The following SND1 variants were observed in gnomAD, a reference collection of about 807,000 sequenced individuals.
The protein encoded by SND1 is staphylococcal nuclease and tudor domain containing 1.
SND1 carries 38 observed loss-of-function variants against 121.7 expected under a neutral mutation model. The ratio of observed to expected loss-of-function variants is 0.31; its 90% CI spans 0.24 to 0.41. The LOEUF (loss-of-function observed/expected upper bound fraction) is 0.41. Ranked by LOEUF, SND1 falls within the 10% of genes least tolerant of loss-of-function variation. The probability of loss-of-function intolerance (pLI) is 1.00; values close to 1 mark genes in which losing one functional copy is unlikely to be tolerated. For missense variants in SND1, 868 were observed against 1,184.6 expected, an observed-to-expected ratio of 0.73 and a Z score of 3.92; for synonymous variants, 401 against 447.4, an observed-to-expected ratio of 0.90 and a Z score of 1.31.
At chr7:127,815,891 T>C (rs1037029279) in intron 11 of SND1, among the ~76,000 whole-genome samples, 3 of 152,214 alleles carry the variant, frequency 2.0e-5, no homozygotes, top group Admixed American at 6.5e-5. Flanking sequence ...ATCTGTGAGA[T>C]AGGGTTTGAT....
chr7:127,980,505 T>C (rs1802235085), intron 15 of SND1, among the ~76,000 whole-genome samples: 1 of 152,186 alleles, frequency 6.6e-6, no homozygotes, highest in African/African-American at 2.4e-5. Flanking sequence ...TCATGCTCTT[T>C]GGTTCTTAAG....
intron 16 of SND1, among the ~76,000 whole-genome samples, chr7:128,068,838 C>T (rs1401290565): frequency 6.6e-6 from 1 of 152,258 alleles, no homozygotes; most frequent in East Asian, 1.9e-4. Flanking sequence ...TGGAAATTAA[C>T]AGCCTGTGCC....
Position 127,821,226 on chromosome 7 carries a change from G to A in SND1, c.1242+13653G>A, listed in dbSNP as rs547308388. On this transcript the variant is annotated intron_variant, in intron 11 of 23. Transcript: ENST00000354725. ...CCCTTCCTGAGGAATTCTAGTTGAT[G>A]GGCCAGTGTATGTGTGTCCTTGCTG... Among the ~76,000 whole-genome samples the A allele has an allele frequency of 5.9e-5, 9 of 152,322 alleles. No individual in the cohort carries two copies. The South Asian group carries it at 1.2e-3, about 21-fold the overall frequency.
intron 11 of SND1, among the ~76,000 whole-genome samples, chr7:127,836,697 C>T (rs1194382620): frequency 2.0e-5 from 3 of 152,028 alleles, no homozygotes; most frequent in Non-Finnish European, 4.4e-5. Flanking sequence ...TAACAGAAGC[C>T]TTAATTATTA....
chr7:127,667,104 A>G (rs922616876), intron 1 of SND1, among the ~76,000 whole-genome samples: 5 of 152,198 alleles, frequency 3.3e-5, no homozygotes, highest in African/African-American at 1.2e-4. Context: ...GGGAAAAGTC[A>G]TGCTTCTCAT....
At chr7:127,721,421 G>A (rs748274417) in intron 10 of SND1, 21 bp downstream of exon 10, 31 of 1,413,088 alleles carry the variant, frequency 2.2e-5, no homozygotes, top group East Asian at 1.4e-4. Context: ...GGAAGCAGCC[G>A]CGCCTCTTTG....
intron 12 of SND1, among the ~76,000 whole-genome samples, chr7:127,854,249 C>T (rs1228694978): frequency 1.3e-5 from 2 of 152,168 alleles, no homozygotes; most frequent in African/African-American, 4.8e-5. Flanking sequence ...TGAGTTCAGC[C>T]TCCCAAGTAG....
At chr7:128,082,207 C>A (rs1039193574) in intron 18 of SND1, among the ~76,000 whole-genome samples, 1 of 152,228 alleles carries the variant, frequency 6.6e-6, no homozygotes, top group Non-Finnish European at 1.5e-5. Flanking sequence ...ACCCTGACCT[C>A]CCTTTTCTCA....
intron 10 of SND1, among the ~76,000 whole-genome samples, chr7:127,782,900 A>G (rs62481388): frequency 0.061 from 9,337 of 152,266 alleles, 390 homozygotes; most frequent in Non-Finnish European, 0.085. Context: ...ACTGCCCAGC[A>G]AGTGAAGCAT....
intron 12 of SND1, among the ~76,000 whole-genome samples, chr7:127,852,951 T>G (rs1029147269): frequency 1.3e-5 from 2 of 152,226 alleles, no homozygotes; most frequent in African/African-American, 4.8e-5. Flanking sequence ...TCTGCATTTA[T>G]GAAGGAACAA....
intron 1 of SND1, among the ~76,000 whole-genome samples, chr7:127,657,416 C>T (rs998108501): frequency 3.9e-5 from 6 of 152,162 alleles, no homozygotes; most frequent in Non-Finnish European, 8.8e-5. Flanking sequence ...CAAAAACTAA[C>T]CATAAAGGAA....
intron 12 of SND1, among the ~76,000 whole-genome samples, chr7:127,887,579 G>A (rs1799935920): frequency 6.6e-6 from 1 of 151,390 alleles, no homozygotes; most frequent in African/African-American, 2.4e-5. Flanking sequence ...CTTTTCTTGA[G>A]GGCAGTGGCT....
intron 15 of SND1, among the ~76,000 whole-genome samples, chr7:127,948,075 G>A (rs770764842): frequency 1.1e-4 from 16 of 152,182 alleles, no homozygotes; most frequent in Admixed American, 7.9e-4. Context: ...TAAAATAGGC[G>A]AAACATGAGG....
At chr7:127,898,094 G>A (rs775615150) in intron 13 of SND1, among the ~76,000 whole-genome samples, 3 of 152,026 alleles carry the variant, frequency 2.0e-5, no homozygotes, top group African/African-American at 4.8e-5. Flanking sequence ...CATTGAGTTG[G>A]TTGTTCTCTG....
Position 127,731,862 on chromosome 7 carries a change from T to C in SND1, c.1152+10462T>C, listed in dbSNP as rs561287468. Among the ~76,000 whole-genome samples, 13 of 152,362 alleles carry C rather than the reference T, an allele frequency of 8.5e-5. No homozygotes were observed. The East Asian group carries it at 2.3e-3, about 27-fold the overall frequency. On this transcript the variant is annotated intron_variant, in intron 10 of 23. Transcript: ENST00000354725. ...AGATACAAATTAGTCCCAGAGTACCTGATACCGTAGACGGAACCTGACAAA... is the reference window on the plus strand; with the variant it reads ...AGATACAAATTAGTCCCAGAGTACCCGATACCGTAGACGGAACCTGACAAA...
chr7:127,796,852 G>A (rs1360861746), intron 10 of SND1, among the ~76,000 whole-genome samples: 3 of 145,936 alleles, frequency 2.1e-5, no homozygotes, highest in Admixed American at 6.8e-5. Context: ...TCACCACAAA[G>A]TCATAAGTAA....
At chr7:127,672,211 TA>T (rs1795530151) in intron 1 of SND1, among the ~76,000 whole-genome samples, 1 of 152,150 alleles carries the variant, frequency 6.6e-6, no homozygotes, top group African/African-American at 2.4e-5. Context: ...CGGTATCCCA[TA>T]TACCATATCC....
chr7:128,026,422 C>T (rs1436815367), intron 16 of SND1, among the ~76,000 whole-genome samples: 1 of 152,186 alleles, frequency 6.6e-6, no homozygotes. Context: ...TGCTGCCTGC[C>T]TCTCTTTCCC....
intron 10 of SND1, among the ~76,000 whole-genome samples, chr7:127,788,678 A>G (rs763134481): frequency 6.6e-6 from 1 of 152,194 alleles, no homozygotes; most frequent in Admixed American, 6.5e-5. Context: ...ATCGCTTTGA[A>G]TGTTTTAAGT....
Sources: allele counts gnomAD v4.1 joint callset (sites outside exome capture counted in the v4.1 genomes callset), GRCh38; gene constraint gnomAD v4.1.1; transcripts MANE v1.5; gene names NCBI Gene and HGNC (gene_info 2026-07-23, HGNC 2026-07-21).